Variants in GRXCR1 observed in about 807,000 individuals in gnomAD.
GRXCR1 encodes the protein glutaredoxin and cysteine rich domain containing 1.
GRXCR1 carries 27 observed loss-of-function variants against 27.3 expected under a neutral mutation model. The ratio of observed to expected loss-of-function variants is 0.99; its 90% CI spans 0.73 to 1.37. GRXCR1 has a LOEUF of 1.37. Ranked by LOEUF, GRXCR1 falls within the 40% of genes most tolerant of loss-of-function variation. The pLI is 0.00. For synonymous variants in GRXCR1, 122 were observed against 131.1 expected, an observed-to-expected ratio of 0.93 and a Z score of 0.47; for missense variants, 379 against 354.4, an observed-to-expected ratio of 1.07 and a Z score of -0.56.
At chr4:42,911,412 AGAGAT>A (rs1361036144) in intron 1 of GRXCR1, among the ~76,000 whole-genome samples, 7 of 152,172 alleles carry the variant, frequency 4.6e-5, no homozygotes, top group African/African-American at 1.4e-4. Flanking sequence ...AGAATTCAGT[AGAGAT>A]AAGACACACA....
intron 1 of GRXCR1, among the ~76,000 whole-genome samples, chr4:42,946,938 G>T (rs1286083088): frequency 6.6e-6 from 1 of 152,158 alleles, no homozygotes; most frequent in East Asian, 1.9e-4. Context: ...AGTACGTAAT[G>T]GTGCGGAGTT....
Position 42,893,208 on chromosome 4 carries a change from C to T in GRXCR1, c.-59C>T. The T allele has an allele frequency of 6.3e-7, 1 of 1,597,962 alleles. No homozygotes were observed. Reference sequence around the variant, plus strand: ...CTGATATTGCTATCTGGCAAGTGGACTAGTGCAGTAACAACGGGTCCAGAA... The same window carrying T: ...CTGATATTGCTATCTGGCAAGTGGATTAGTGCAGTAACAACGGGTCCAGAA... On this transcript the variant is annotated 5_prime_UTR_variant, in exon 1 of 4. Coordinates refer to ENST00000399770, the MANE Select transcript of GRXCR1 (RefSeq NM_001080476.3).
At chr4:43,014,660 T>C (rs1712874749) in intron 2 of GRXCR1, among the ~76,000 whole-genome samples, 1 of 152,186 alleles carries the variant, frequency 6.6e-6, no homozygotes, top group African/African-American at 2.4e-5. Context: ...TCTATGTATC[T>C]GGCCTTTTAC....
chr4:42,895,398 C>T (rs905044671), intron 1 of GRXCR1, among the ~76,000 whole-genome samples: 1 of 152,100 alleles, frequency 6.6e-6, no homozygotes, highest in African/African-American at 2.4e-5. Context: ...AGATCTATCC[C>T]TCCCAACTGC....
chr4:42,908,348 G>A (rs1488798357), intron 1 of GRXCR1, among the ~76,000 whole-genome samples: 2 of 152,146 alleles, frequency 1.3e-5, no homozygotes, highest in East Asian at 1.9e-4. Context: ...CCGAGGTCAT[G>A]CCAGAAGCTG....
chr4:42,976,335 G>C (rs941987342), intron 2 of GRXCR1, among the ~76,000 whole-genome samples: 4 of 151,802 alleles, frequency 2.6e-5, no homozygotes, highest in Admixed American at 2.6e-4. Flanking sequence ...GTTAGTTATG[G>C]TCTTCATTTG....
At chr4:43,029,161 G>A (rs555485986) in intron 3 of GRXCR1, among the ~76,000 whole-genome samples, 2 of 152,060 alleles carry the variant, frequency 1.3e-5, no homozygotes, top group African/African-American at 2.4e-5. Flanking sequence ...TTATTGACTC[G>A]ATAAAAATTC....
intron 3 of GRXCR1, among the ~76,000 whole-genome samples, chr4:43,021,118 C>A (rs545616467): frequency 4.7e-4 from 71 of 152,252 alleles, no homozygotes; most frequent in African/African-American, 1.7e-3. Flanking sequence ...ATCTATATGT[C>A]ACTACTGGTT....
chr4:43,011,575 G>A (rs143817360), intron 2 of GRXCR1, among the ~76,000 whole-genome samples: 4 of 151,770 alleles, frequency 2.6e-5, no homozygotes, highest in African/African-American at 9.7e-5. Flanking sequence ...GTTTAACCTT[G>A]TTCACACTTC....
chr4:42,954,544 T>C (rs1747955303), intron 1 of GRXCR1, among the ~76,000 whole-genome samples: 2 of 152,156 alleles, frequency 1.3e-5, no homozygotes, highest in South Asian at 4.1e-4. Context: ...TCCATGTCTA[T>C]AAAACCTGGG....
chr4:43,030,157 A>G (rs937205620), intron 3 of GRXCR1, among the ~76,000 whole-genome samples: 1 of 152,210 alleles, frequency 6.6e-6, no homozygotes, highest in Non-Finnish European at 1.5e-5. Context: ...ATAGATGGCC[A>G]TTGGCGGGGG....
At chr4:43,025,992 A>AG (rs1334777066) in intron 3 of GRXCR1, among the ~76,000 whole-genome samples, 1 of 151,010 alleles carries the variant, frequency 6.6e-6, no homozygotes. Flanking sequence ...AAAAAAAAAA[A>AG]GTGGAAGTCA....
chr4:43,030,335 T>G, intron 3 of GRXCR1, 26 bp from the exon 4 acceptor site: 1 of 1,610,730 alleles, frequency 6.2e-7, no homozygotes, highest in Non-Finnish European at 8.5e-7. Flanking sequence ...CTCTGTTTTC[T>G]CTTGTTCCCC....
intron 2 of GRXCR1, among the ~76,000 whole-genome samples, chr4:43,014,975 T>C (rs762059252): frequency 1.3e-5 from 2 of 152,180 alleles, no homozygotes; most frequent in Non-Finnish European, 2.9e-5. Flanking sequence ...ACTGATTTTG[T>C]CTGGGAAAAT....
chr4:42,894,324 A>T (rs995346622), intron 1 of GRXCR1, among the ~76,000 whole-genome samples: 1 of 152,126 alleles, frequency 6.6e-6, no homozygotes, highest in African/African-American at 2.4e-5. Flanking sequence ...TAATATAGAA[A>T]TATATTATTC....
intron 1 of GRXCR1, among the ~76,000 whole-genome samples, chr4:42,931,690 G>C (rs1747309169): frequency 6.6e-6 from 1 of 151,998 alleles, no homozygotes; most frequent in Admixed American, 6.6e-5. Context: ...GAGCCATTAA[G>C]ATATGTACTC....
At chr4:42,924,032 T>C (rs961331261) in intron 1 of GRXCR1, among the ~76,000 whole-genome samples, 11 of 152,082 alleles carry the variant, frequency 7.2e-5, no homozygotes, top group African/African-American at 2.4e-4. Flanking sequence ...CTGATTGTGA[T>C]ACTAAAGTTG....
chr4:42,978,148 C>T (rs1199568590), intron 2 of GRXCR1, among the ~76,000 whole-genome samples: 1 of 151,946 alleles, frequency 6.6e-6, no homozygotes, highest in East Asian at 1.9e-4. Flanking sequence ...TATTCTGTTC[C>T]TTTGGTCTAT....
intron 1 of GRXCR1, among the ~76,000 whole-genome samples, chr4:42,900,427 C>G (rs891445009): frequency 6.6e-6 from 1 of 152,060 alleles, no homozygotes; most frequent in Non-Finnish European, 1.5e-5. Flanking sequence ...TTTTACATAG[C>G]AAATAAAGTA....
Sources: gnomAD v4.1 joint callset for allele counts (sites outside exome capture counted in the v4.1 genomes callset) on GRCh38, gnomAD v4.1.1 for gene constraint, MANE v1.5 for transcripts, NCBI Gene and HGNC (gene_info 2026-07-23, HGNC 2026-07-21) for gene names.